Variants in NGDN observed in about 807,000 individuals in gnomAD.
NGDN encodes neuroguidin.
NGDN carries 41 observed loss-of-function variants against 45.2 expected under a neutral mutation model. That is an observed-to-expected ratio of 0.91 (90% CI 0.71 to 1.18). The LOEUF is 1.18. Ranked by LOEUF, NGDN falls within the 50% of genes most tolerant of loss-of-function variation. The probability of loss-of-function intolerance (pLI) is 0.00; values close to 1 mark genes in which losing one functional copy is unlikely to be tolerated. For missense variants in NGDN, 402 were observed against 399.9 expected, an observed-to-expected ratio of 1.01 and a Z score of -0.05; for synonymous variants, 137 against 130.9, an observed-to-expected ratio of 1.05 and a Z score of -0.32.
Position 23,477,864 on chromosome 14 carries a change from C to T in NGDN, c.929-143C>T, listed in dbSNP as rs962559488. On this transcript the variant is annotated intron_variant, in intron 10 of 10. Transcript: ENST00000408901. Reference sequence around the variant, plus strand: ...CCATTTCAATTTTATTCCTACTTCTCGTCTTTTGTCCTGGGAAGATATTCA... The same window carrying T: ...CCATTTCAATTTTATTCCTACTTCTTGTCTTTTGTCCTGGGAAGATATTCA... The T allele has an allele frequency of 8.1e-5, 125 of 1,536,628 alleles. 1 individual carries two copies. Among genetic ancestry groups the T allele is most frequent in the South Asian group, 2.4e-4 (19 of 80,826 alleles).
At chr14:23,477,654 C>T in intron 10 of NGDN, 94 bp downstream of exon 10, 2 of 1,581,266 alleles carry the variant, frequency 1.3e-6, no homozygotes, top group Non-Finnish European at 8.6e-7. Context: ...TCACCAAGCC[C>T]TGTAGTATCT....
At position 23,477,555 on chromosome 14, in the gene NGDN, A is replaced by T. The variant is rs17093050; in HGVS notation, c.923A>T (p.Lys308Ile). ...AAGATACCTCAGAAAGGTCGGAAGA[A>T]AAAAGGTCAGTGAACTGCTGGGACT... Reference protein sequence around the residue: ...RKKIPQKGRKKKGFRRRR With the variant: ...RKKIPQKGRKIKGFRRRR The change falls in exon 10 of 11, where the codon AAA becomes ATA. Residue 308 changes from lysine (K) to isoleucine (I), a missense_variant. Lys to Ile is a moderately radical substitution (Grantham distance 102). Transcript: ENST00000408901. 2.1e-3 allele frequency: 3,425 copies of T among 1,614,162 alleles called. 61 individuals are homozygous for T. The African/African-American group carries it at 0.039, about 18-fold the overall frequency.
chr14:23,471,474 A>T (rs1285145703), intron 3 of NGDN: 1 of 152,706 alleles, frequency 6.5e-6, no homozygotes, highest in Non-Finnish European at 1.5e-5. Context: ...GATTTCATCT[A>T]ATCTAAGACA....
At position 23,471,115 on chromosome 14, in the gene NGDN, T is replaced by G. The variant is rs1348717873; in HGVS notation, c.144+138T>G. 1.5e-5 allele frequency: 8 copies of G among 524,504 alleles called. No individual in the cohort carries two copies. The South Asian group carries it at 3.0e-4, about 20-fold the overall frequency. 32.5% of individuals were successfully genotyped at this position (524,504 alleles called of 1,614,324 possible). A position where few individuals can be genotyped will look rare whatever the true frequency, so the allele number is the denominator to read the frequency against. On this transcript the variant is annotated intron_variant, in intron 3 of 10. Coordinates refer to ENST00000408901, the MANE Select transcript of NGDN (RefSeq NM_001042635.2). ...ATGATCCAGTTTCTGTGCTGAAGTC[T>G]AGAGGGAAGACAAAGCAAAGCAATA...
chr14:23,470,335 A>T, intron 2 of NGDN: 1 of 505,038 alleles, frequency 2.0e-6, no homozygotes, highest in Non-Finnish European at 3.5e-6. Flanking sequence ...TCATATAGCT[A>T]AGGAAACCAG....
intron 5 of NGDN, 31 bp downstream of exon 5, chr14:23,475,673 G>T: frequency 6.2e-7 from 1 of 1,613,392 alleles, no homozygotes; most frequent in East Asian, 2.2e-5. Context: ...GAAGTTGTGG[G>T]GACCATCAGA....
intron 1 of NGDN, 93 bp from the exon 2 acceptor site, chr14:23,469,949 G>C: frequency 1.4e-6 from 2 of 1,385,428 alleles, no homozygotes; most frequent in South Asian, 2.4e-5. Flanking sequence ...GGTGTCTGAC[G>C]GAGAGAGGGC....
chr14:23,471,278 A>G (rs1322407030), intron 3 of NGDN: 3 of 288,458 alleles, frequency 1.0e-5, no homozygotes, highest in Non-Finnish European at 1.3e-5. Context: ...TGAGGAATAA[A>G]TGGGAGGGAC....
Position 23,476,038 on chromosome 14 carries a change from G to C in NGDN, c.430G>C (p.Glu144Gln). 4 of 1,614,158 alleles carry C rather than the reference G, an allele frequency of 2.5e-6. No individual in the cohort carries two copies. Among genetic ancestry groups the C allele is most frequent in the Non-Finnish European group, 3.4e-6 (4 of 1,180,016 alleles). The part of the protein sequence containing the change: ...PSNMMSKLSS[E>Q]DEEEDEAEDD... ...ATTGTTTCTTTTGTAGTTGAGCTCT[G>C]AGGATGAGGAGGAAGATGAAGCAGA... Residue 144 changes from glutamate to glutamine, a missense_variant, in exon 7 of 11, where the codon GAG becomes CAG. Coordinates refer to ENST00000408901, the MANE Select transcript of NGDN (RefSeq NM_001042635.2).
At chr14:23,475,825 C>A in intron 6 of NGDN, 47 bp downstream of exon 6, 1 of 1,558,882 alleles carries the variant, frequency 6.4e-7, no homozygotes, top group Admixed American at 1.7e-5. Context: ...GGCAGCTATA[C>A]CTAGATGAGC....
intron 2 of NGDN, 74 bp downstream of exon 2, chr14:23,470,175 G>C (rs1893741652): frequency 7.6e-7 from 1 of 1,322,578 alleles, no homozygotes; most frequent in Non-Finnish European, 1.1e-6. Context: ...TCAAAACTTT[G>C]GTGATTGAGA....
chr14:23,471,095 C>A, intron 3 of NGDN, 118 bp downstream of exon 3: 1 of 622,960 alleles, frequency 1.6e-6, no homozygotes, highest in Non-Finnish European at 2.6e-6. Flanking sequence ...TAAATATGAT[C>A]CAGTTTCTGT....
chr14:23,475,327 C>T lies in NGDN; in HGVS notation c.282+19C>T, dbSNP rs1893872747. 1.9e-6 allele frequency: 3 copies of T among 1,599,334 alleles called. No individual in the cohort carries two copies. Among genetic ancestry groups the T allele is most frequent in the East Asian group, 2.2e-5 (1 of 44,756 alleles). On this transcript the variant is annotated intron_variant, in intron 4 of 10. Coordinates refer to ENST00000408901, the MANE Select transcript of NGDN (RefSeq NM_001042635.2). ...TCGCACGGTATGAAGCATTTGGCTTCTTGGAGTTTTAGGTTTCTAAATTTT... is the reference window on the plus strand; with the variant it reads ...TCGCACGGTATGAAGCATTTGGCTTTTTGGAGTTTTAGGTTTCTAAATTTT...
At position 23,470,070 on chromosome 14, in the gene NGDN, C is replaced by T. The variant is rs746802944; in HGVS notation, c.41C>T (p.Ala14Val). The T allele has an allele frequency of 3.1e-6, 5 of 1,614,010 alleles. No homozygotes were observed. The Admixed American group carries it at 8.3e-5, about 27-fold the overall frequency. The change falls in exon 2 of 11, where the codon GCC becomes GTC. Residue 14 changes from alanine (A) to valine (V), a missense_variant. Coordinates refer to ENST00000408901, the MANE Select transcript of NGDN (RefSeq NM_001042635.2). Reference sequence around the variant, plus strand: ...GTGCTGGAGTCCGACCTGCCAAGTGCCGTGACACTTCTGAAAAATCTCCAG... The same window carrying T: ...GTGCTGGAGTCCGACCTGCCAAGTGTCGTGACACTTCTGAAAAATCTCCAG... Reference protein sequence around the residue: ...LGVLESDLPSAVTLLKNLQEQ... With the variant: ...LGVLESDLPSVVTLLKNLQEQ...
intron 10 of NGDN, chr14:23,477,797 C>G (rs1437973084): frequency 2.7e-6 from 4 of 1,456,958 alleles, no homozygotes; most frequent in Non-Finnish European, 3.6e-6. Context: ...TCAGGCTTCC[C>G]TAAATAGAAC....
chr14:23,475,682 G>C, intron 5 of NGDN, 40 bp downstream of exon 5: 1 of 1,613,862 alleles, frequency 6.2e-7, no homozygotes, highest in African/African-American at 1.3e-5. Flanking sequence ...GGGACCATCA[G>C]AAAGTTCCAA....
intron 3 of NGDN, among the ~76,000 whole-genome samples, chr14:23,472,867 TA>T (rs1021242040): frequency 3.3e-5 from 5 of 152,244 alleles, no homozygotes; most frequent in African/African-American, 7.2e-5. Context: ...CATTTTTATT[TA>T]AAAAAAATTT....
intron 10 of NGDN, 160 bp downstream of exon 10, chr14:23,477,720 G>C (rs1893937696): frequency 1.1e-5 from 16 of 1,465,616 alleles, no homozygotes; most frequent in Non-Finnish European, 1.4e-5. Context: ...GCTTTCCTGA[G>C]CTGGAAATCA....
chr14:23,475,128 G>A (rs773268487), intron 3 of NGDN, 43 bp from the exon 4 acceptor site: 1 of 1,580,934 alleles, frequency 6.3e-7, no homozygotes, highest in Non-Finnish European at 8.6e-7. Flanking sequence ...TGGTTCTTTG[G>A]CTAAAACCAA....
Sources: allele counts gnomAD v4.1 joint callset (sites outside exome capture counted in the v4.1 genomes callset), GRCh38; gene constraint gnomAD v4.1.1; transcripts MANE v1.5; gene names NCBI Gene and HGNC (gene_info 2026-07-23, HGNC 2026-07-21).